The following SNTB2 variants were observed in gnomAD, a reference collection of about 807,000 sequenced individuals.
The protein encoded by SNTB2 is syntrophin beta 2, also known as beta-2-syntrophin.
SNTB2 carries 34 observed loss-of-function variants against 46.2 expected under a neutral mutation model. That is an observed-to-expected ratio of 0.74 (90% CI 0.56 to 0.98). SNTB2 has a LOEUF of 0.98. SNTB2 is among the 50% of genes least tolerant of loss of function. The probability of loss-of-function intolerance (pLI) is 0.00; values close to 1 mark genes in which losing one functional copy is unlikely to be tolerated. For missense variants in SNTB2, 603 were observed against 731.4 expected (o/e 0.82, Z 2.02); for synonymous variants, 290 against 312.6 (o/e 0.93, Z 0.76).
chr16:69,260,263 A>T lies in SNTB2; in HGVS notation c.1005+3A>T. 2.5e-6 allele frequency: 4 copies of T among 1,613,906 alleles called. No individual in the cohort carries two copies. The highest frequency in any genetic ancestry group is 3.4e-6 in the Non-Finnish European group (4 of 1,179,878). On this transcript the variant is annotated splice_donor_region_variant and intron_variant, in intron 3 of 6. Transcript: ENST00000336278. ...ATATTGCCTGGCTGGCAGAACAGGT[A>T]GGCTGGGAGGCAGGGCAGAGTATCA...
intron 1 of SNTB2, 124 bp from the exon 2 acceptor site, chr16:69,245,478 A>T: frequency 1.1e-6 from 1 of 922,966 alleles, no homozygotes; most frequent in Non-Finnish European, 1.7e-6. Context: ...TACAGGAGTG[A>T]GCCACCGCGC....
At chr16:69,288,640 A>G (rs768227615) in intron 5 of SNTB2, among the ~76,000 whole-genome samples, 2 of 152,214 alleles carry the variant, frequency 1.3e-5, no homozygotes, top group Admixed American at 6.5e-5. Flanking sequence ...ATATTTCTCA[A>G]AAAGCTAAAA....
intron 4 of SNTB2, among the ~76,000 whole-genome samples, chr16:69,275,791 A>G (rs1369345427): frequency 2.6e-5 from 4 of 152,256 alleles, no homozygotes; most frequent in Admixed American, 6.5e-5. Context: ...AAAGGATTGC[A>G]TAAACACATA....
intron 1 of SNTB2, among the ~76,000 whole-genome samples, chr16:69,219,713 A>ATTTTG (rs1258676945): frequency 2.1e-3 from 313 of 148,506 alleles, no homozygotes; most frequent in Non-Finnish European, 3.6e-3. Context: ...ACCAGATTTT[A>ATTTTG]TTTTATTTTG....
chr16:69,194,561 A>G (rs549871398), intron 1 of SNTB2, among the ~76,000 whole-genome samples: 3 of 152,222 alleles, frequency 2.0e-5, no homozygotes, highest in Non-Finnish European at 2.9e-5. Context: ...TTAAAATTAT[A>G]TTAAATCCAT....
intron 1 of SNTB2, among the ~76,000 whole-genome samples, chr16:69,212,413 A>C (rs1267282693): frequency 6.6e-6 from 1 of 152,054 alleles, no homozygotes; most frequent in Non-Finnish European, 1.5e-5. Flanking sequence ...ATCTCAGCTC[A>C]CTGCAACCTC....
chr16:69,192,619 T>G (rs1161965868), intron 1 of SNTB2, among the ~76,000 whole-genome samples: 1 of 152,226 alleles, frequency 6.6e-6, no homozygotes, highest in Non-Finnish European at 1.5e-5. Flanking sequence ...TTTGAATTCC[T>G]TTGGAGAAAT....
At chr16:69,223,401 G>A (rs1407415049) in intron 1 of SNTB2, among the ~76,000 whole-genome samples, 1 of 151,814 alleles carries the variant, frequency 6.6e-6, no homozygotes, top group Non-Finnish European at 1.5e-5. Context: ...CGCCATGTTG[G>A]CCAGGCTGGT....
intron 5 of SNTB2, among the ~76,000 whole-genome samples, chr16:69,297,819 CAGA>C (rs1462505965): frequency 1.3e-5 from 2 of 152,020 alleles, no homozygotes; most frequent in Admixed American, 1.3e-4. Context: ...CAGGCTGAGG[CAGA>C]AGAATTGCTT....
Position 69,304,925 on chromosome 16 carries a change from C to T in SNTB2, c.*4001C>T, listed in dbSNP as rs926878236. On this transcript the variant is annotated 3_prime_UTR_variant, in exon 7 of 7. Transcript: ENST00000336278. ...TCAAGCAGTCCTTCTGCCTCAGCCT[C>T]CCAAAGTGCTGGGATTACAGATGTG... is the stretch of plus-strand genomic sequence containing the variant. 1.3e-5 allele frequency: 2 copies of T among 150,964 alleles called. No homozygotes were observed. The highest frequency in any genetic ancestry group is 2.9e-5 in the Non-Finnish European group (2 of 67,906). 9.4% of individuals were successfully genotyped at this position (150,964 alleles called of 1,614,324 possible).
intron 1 of SNTB2, among the ~76,000 whole-genome samples, chr16:69,241,582 T>C (rs1964615183): frequency 1.3e-5 from 2 of 148,360 alleles, no homozygotes; most frequent in South Asian, 2.2e-4. Flanking sequence ...AGGTCAGGAG[T>C]TGGCAAGCAG....
intron 5 of SNTB2, among the ~76,000 whole-genome samples, chr16:69,292,994 G>A (rs1323070856): frequency 6.6e-6 from 1 of 152,056 alleles, no homozygotes; most frequent in African/African-American, 2.4e-5. Flanking sequence ...GGTGGGGATG[G>A]TAACAGCCAT....
chr16:69,292,436 TATA>T (rs1965182275), intron 5 of SNTB2, among the ~76,000 whole-genome samples: 1 of 7,698 alleles, frequency 1.3e-4, no homozygotes, highest in Non-Finnish European at 2.1e-4. Context: ...ATATATATAT[TATA>T]TATATATAAT....
In SNTB2 at chr16:69,187,293, C is replaced by T. The variant is rs1312725860; in HGVS notation, c.127C>T (p.Leu43=). ...GCGCTGGGTCCGAGTGGTGGCCGAG[C>T]TGAGCGGGGAGAGCCTGAGCCTGAC... The part of the protein sequence containing the change: ...RERWVRVVAE[L]SGESLSLTGD... Residue 43 remains leucine, a synonymous_variant, in exon 1 of 7, where the codon CTG becomes TTG. Coordinates refer to ENST00000336278, the MANE Select transcript of SNTB2 (RefSeq NM_006750.4). 4.0e-6 allele frequency: 6 copies of T among 1,489,436 alleles called. No individual in the cohort carries two copies. Among genetic ancestry groups the T allele is most frequent in the Non-Finnish European group, 5.3e-6 (6 of 1,127,030 alleles). 92.3% of individuals were successfully genotyped at this position (1,489,436 alleles called of 1,614,324 possible).
At chr16:69,264,869 C>T (rs1219524768) in intron 3 of SNTB2, among the ~76,000 whole-genome samples, 2 of 152,138 alleles carry the variant, frequency 1.3e-5, no homozygotes, top group East Asian at 1.9e-4. Flanking sequence ...CAGGAGGTCC[C>T]TCAACATCAG....
At chr16:69,272,546 A>T (rs1003345270) in intron 4 of SNTB2, among the ~76,000 whole-genome samples, 42 of 150,910 alleles carry the variant, frequency 2.8e-4, no homozygotes, top group Non-Finnish European at 5.6e-4. Flanking sequence ...TCTCAAAAAA[A>T]AAAAAAAAAA....
intron 1 of SNTB2, among the ~76,000 whole-genome samples, chr16:69,207,519 T>C (rs1010185953): frequency 2.6e-5 from 4 of 152,208 alleles, no homozygotes; most frequent in Non-Finnish European, 5.9e-5. Context: ...TGACCAATTA[T>C]AAAGTAGATA....
At chr16:69,230,683 G>T (rs1370798251) in intron 1 of SNTB2, among the ~76,000 whole-genome samples, 2 of 147,926 alleles carry the variant, frequency 1.4e-5, no homozygotes, top group East Asian at 2.1e-4. Flanking sequence ...TCAAAAAGTA[G>T]CCTCTAATAT....
rs71148981 is a variant in SNTB2, at chr16:69,278,889, AGTGTGTGTGT to A, written c.1149-5124_1149-5115del. 8.7e-3 allele frequency among the ~76,000 whole-genome samples: 1,222 copies of A among 141,006 alleles called. 8 individuals are homozygous for A. Among genetic ancestry groups the A allele is most frequent in the African/African-American group, 0.022 (844 of 37,922 alleles). 92.5% of individuals were successfully genotyped at this position (141,006 alleles called of 152,430 possible). ...TTTATTGATGGACAGAGGTGGGAAG[AGTGTGTGTGT>A]GTGTGTGTGTGTGTGTGTGTGTGTG... On this transcript the variant is annotated intron_variant, in intron 4 of 6. Transcript: ENST00000336278.
Sources: allele counts gnomAD v4.1 joint callset (sites outside exome capture counted in the v4.1 genomes callset), GRCh38; gene constraint gnomAD v4.1.1; transcripts MANE v1.5; gene names NCBI Gene and HGNC (gene_info 2026-07-23, HGNC 2026-07-21).